Variants in PTPRT observed in about 807,000 individuals in gnomAD.
The protein encoded by PTPRT is protein tyrosine phosphatase receptor type T.
Under a neutral mutation model 176.8 loss-of-function variants are expected in PTPRT, and 56 were observed. That is an observed-to-expected ratio of 0.32 (90% confidence interval 0.26 to 0.40). The LOEUF (loss-of-function observed/expected upper bound fraction) is 0.40, where lower values mean the gene tolerates loss of function less well. Among genes scored for constraint, PTPRT ranks in the 10% least tolerant of loss-of-function variants. The pLI is 1.00. For synonymous variants in PTPRT, 783 were observed against 739.0 expected (o/e 1.06, Z -0.96); for missense variants, 1,540 against 1,908.2 (o/e 0.81, Z 3.60).
At position 42,586,403 on chromosome 20, in the gene PTPRT, T is replaced by C. The variant is rs2073471759; in HGVS notation, c.1153+91463A>G. On this transcript the variant is annotated intron_variant, in intron 7 of 30. Coordinates refer to ENST00000373187, the MANE Select transcript of PTPRT (RefSeq NM_007050.6). ...AGTTGAAACTAATGACAGCAAGCAG[T>C]TTATGGTCAGGTTCACAAAGTACAT... 1.3e-5 allele frequency among the ~76,000 whole-genome samples: 2 copies of C among 152,102 alleles called. 1 individual carries two copies. The highest frequency in any genetic ancestry group is 4.8e-5 in the African/African-American group (2 of 41,404).
At chr20:42,819,462 G>A (rs1401915270) in intron 2 of PTPRT, among the ~76,000 whole-genome samples, 3 of 152,104 alleles carry the variant, frequency 2.0e-5, no homozygotes, top group African/African-American at 4.8e-5. Context: ...AAAATATAAA[G>A]ACCAATGAAA....
chr20:42,072,647 G>C (rs1170925952), downstream of PTPRT: 1 of 180,242 alleles, frequency 5.5e-6, no homozygotes, highest in Non-Finnish European at 1.2e-5. Context: ...TGTGATGTAA[G>C]GATTAACTTA....
At chr20:43,158,043 G>C (rs373677281) in intron 1 of PTPRT, among the ~76,000 whole-genome samples, 5,213 of 152,252 alleles carry the variant, frequency 0.034, 139 homozygotes, top group Non-Finnish European at 0.054. Context: ...TCAAGACAAG[G>C]CAGAAGAAGG....
chr20:42,619,415 T>C (rs2074145369), intron 7 of PTPRT, among the ~76,000 whole-genome samples: 1 of 122,302 alleles, frequency 8.2e-6, no homozygotes, highest in African/African-American at 4.0e-5. Flanking sequence ...GACAATTATG[T>C]GTCTTGGAGT....
Position 42,161,487 on chromosome 20 carries a change from G to C in PTPRT, c.2547C>G (p.Pro849=). 1.2e-6 allele frequency: 2 copies of C among 1,614,064 alleles called. No homozygotes were observed. Among genetic ancestry groups the C allele is most frequent in the Non-Finnish European group, 8.5e-7 (1 of 1,179,984 alleles). The change falls in exon 17 of 31, where the codon CCC becomes CCG. Residue 849 remains proline, a synonymous_variant. Coordinates refer to ENST00000373187, the MANE Select transcript of PTPRT (RefSeq NM_007050.6). ...TCTCCACAGGGTCACAGGTGCGGTA[G>C]GGATGAGTCTGGATCGTGAGGGTGG... ...SQPTLTIQTH[P]YRTCDPVEMS... is the part of the protein sequence containing the mutation.
At chr20:42,167,724 G>T (rs1158332301) in intron 16 of PTPRT, among the ~76,000 whole-genome samples, 2 of 152,202 alleles carry the variant, frequency 1.3e-5, no homozygotes, top group Non-Finnish European at 2.9e-5. Context: ...ACACTGTGGG[G>T]ACTGTGGCAA....
chr20:42,762,891 T>C (rs2076934226), intron 5 of PTPRT, among the ~76,000 whole-genome samples: 2 of 152,246 alleles, frequency 1.3e-5, no homozygotes, highest in Admixed American at 1.3e-4. Context: ...TTCAACTGCT[T>C]GCCTTGCTCT....
At chr20:43,143,781 G>A (rs1341250285) in intron 1 of PTPRT, among the ~76,000 whole-genome samples, 1 of 152,136 alleles carries the variant, frequency 6.6e-6, no homozygotes, top group Non-Finnish European at 1.5e-5. Flanking sequence ...ATCAACCAAG[G>A]GACCTTGCTT....
At chr20:42,606,386 C>T (rs1288539205) in intron 7 of PTPRT, among the ~76,000 whole-genome samples, 1 of 152,196 alleles carries the variant, frequency 6.6e-6, no homozygotes, top group Admixed American at 6.5e-5. Context: ...GGGCTACAGC[C>T]TTGCCAACTG....
intron 6 of PTPRT, among the ~76,000 whole-genome samples, chr20:42,735,287 G>A (rs1443782430): frequency 6.6e-6 from 1 of 152,124 alleles, no homozygotes; most frequent in Non-Finnish European, 1.5e-5. Flanking sequence ...TGTGACTAGA[G>A]GAGAGGGAAA....
At chr20:42,937,872 T>C (rs1401988193) in intron 1 of PTPRT, among the ~76,000 whole-genome samples, 1 of 152,230 alleles carries the variant, frequency 6.6e-6, no homozygotes, top group Admixed American at 6.5e-5. Context: ...AATTACACTC[T>C]GTATCATTGT....
At chr20:42,356,097 G>A (rs6030164) in intron 9 of PTPRT, among the ~76,000 whole-genome samples, 15 of 152,214 alleles carry the variant, frequency 9.9e-5, no homozygotes, top group African/African-American at 2.6e-4. Context: ...CAAGTTTCAC[G>A]AAGTTAGTGA....
intron 13 of PTPRT, among the ~76,000 whole-genome samples, chr20:42,252,770 T>C (rs1337345775): frequency 6.6e-6 from 1 of 152,116 alleles, no homozygotes; most frequent in Non-Finnish European, 1.5e-5. Context: ...CAGAAGAACA[T>C]TCAGGGGATT....
At chr20:42,083,941 C>A (rs1983614363) in intron 29 of PTPRT, among the ~76,000 whole-genome samples, 1 of 152,190 alleles carries the variant, frequency 6.6e-6, no homozygotes, top group African/African-American at 2.4e-5. Flanking sequence ...GTGACACTTG[C>A]TCTTTTAAGT....
At chr20:42,370,457 C>T (rs1382720541) in intron 9 of PTPRT, among the ~76,000 whole-genome samples, 1 of 152,124 alleles carries the variant, frequency 6.6e-6, no homozygotes, top group Non-Finnish European at 1.5e-5. Flanking sequence ...TTTTTCCTTG[C>T]TACACTCAAG....
At chr20:43,074,388 A>G (rs746748017) in intron 1 of PTPRT, among the ~76,000 whole-genome samples, 5 of 152,202 alleles carry the variant, frequency 3.3e-5, no homozygotes, top group Non-Finnish European at 5.9e-5. Context: ...ATTCCATTTC[A>G]TTAAAATGAA....
intron 1 of PTPRT, among the ~76,000 whole-genome samples, chr20:43,018,467 G>A (rs972537151): frequency 6.6e-6 from 1 of 152,064 alleles, no homozygotes; most frequent in African/African-American, 2.4e-5. Context: ...CTATTTTGAG[G>A]GTGACATAAA....
chr20:42,230,306 A>G (rs1017948835), intron 15 of PTPRT, among the ~76,000 whole-genome samples: 1 of 152,218 alleles, frequency 6.6e-6, no homozygotes, highest in Non-Finnish European at 1.5e-5. Context: ...GGCTAAGTGA[A>G]GTAGTTACGT....
In PTPRT at chr20:42,073,298, T is replaced by C. The variant is rs1982468176; in HGVS notation, c.*7581A>G. ...GTAGAATGTAGGGTGAAAAGTGCTTTTGAGTATGATTACCAATATGGGTTA... is the reference window on the plus strand; with the variant it reads ...GTAGAATGTAGGGTGAAAAGTGCTTCTGAGTATGATTACCAATATGGGTTA... On this transcript the variant is annotated 3_prime_UTR_variant, in exon 31 of 31. Coordinates refer to ENST00000373187, the MANE Select transcript of PTPRT (RefSeq NM_007050.6). 1 of 188,824 alleles carries C rather than the reference T, an allele frequency of 5.3e-6. No homozygotes were observed. Among genetic ancestry groups the C allele is most frequent in the Non-Finnish European group, 1.1e-5 (1 of 89,534 alleles). The allele number at this position is 188,824 out of a possible 1,614,324, so 11.7% of individuals were successfully genotyped here.
Sources: gnomAD v4.1 joint callset for allele counts (sites outside exome capture counted in the v4.1 genomes callset) on GRCh38, gnomAD v4.1.1 for gene constraint, MANE v1.5 for transcripts, NCBI Gene and HGNC (gene_info 2026-07-23, HGNC 2026-07-21) for gene names.